Variants in BORA observed in about 807,000 individuals in gnomAD.
BORA encodes BORA aurora kinase A activator.
BORA carries 26 observed loss-of-function variants against 55.8 expected under a neutral mutation model. The ratio of observed to expected loss-of-function variants is 0.47; its 90% CI spans 0.34 to 0.65. BORA has a LOEUF of 0.65. Among genes scored for constraint, BORA ranks in the 30% least tolerant of loss-of-function variants. BORA has a pLI of 0.01. For missense variants in BORA, 568 were observed against 671.5 expected, an observed-to-expected ratio of 0.85 and a Z score of 1.70; for synonymous variants, 201 against 216.9, an observed-to-expected ratio of 0.93 and a Z score of 0.64.
chr13:72,736,663 T>C (rs768776031), intron 4 of BORA, among the ~76,000 whole-genome samples: 12 of 152,184 alleles, frequency 7.9e-5, no homozygotes, highest in Non-Finnish European at 1.5e-4. Context: ...GATTTGTATA[T>C]ATATCTTTAT....
intron 8 of BORA, among the ~76,000 whole-genome samples, chr13:72,745,474 A>G (rs915973764): frequency 2.0e-5 from 3 of 152,178 alleles, no homozygotes; most frequent in Non-Finnish European, 4.4e-5. Flanking sequence ...TCTTTTGAGT[A>G]TTATGCTTCA....
At position 72,755,284 on chromosome 13, in the gene BORA, A is replaced by G; in HGVS notation, c.*68A>G. 1 of 1,352,910 alleles carries G rather than the reference A, an allele frequency of 7.4e-7. No homozygotes were observed. Among genetic ancestry groups the G allele is most frequent in the Non-Finnish European group, 1.0e-6 (1 of 954,392 alleles). The allele number at this position is 1,352,910 out of a possible 1,614,324, so 83.8% of individuals were successfully genotyped here. On this transcript the variant is annotated 3_prime_UTR_variant, in exon 12 of 12. Transcript: ENST00000390667. Reference sequence around the variant, plus strand: ...GCATATATCGTTGTGCACAGGATCAACATGATGGTGACTGGGAAAAAATTA... The same window carrying G: ...GCATATATCGTTGTGCACAGGATCAGCATGATGGTGACTGGGAAAAAATTA...
At chr13:72,731,856 C>T (rs1020767857) in intron 3 of BORA, among the ~76,000 whole-genome samples, 3 of 152,124 alleles carry the variant, frequency 2.0e-5, no homozygotes, top group Admixed American at 1.3e-4. Flanking sequence ...AGCAACAGAG[C>T]GGTTTTTTAG....
In BORA at chr13:72,746,563, A is replaced by G. The variant is rs1213351033; in HGVS notation, c.934A>G (p.Thr312Ala). The G allele has an allele frequency of 2.5e-6, 4 of 1,613,918 alleles. No homozygotes were observed. The highest frequency in any genetic ancestry group is 3.4e-6 in the Non-Finnish European group (4 of 1,179,940). The change falls in exon 10 of 12, where the codon ACT (threonine) becomes GCT (alanine). Residue 312 changes from threonine (T) to alanine (A), a missense_variant. Physicochemically the swap from Thr to Ala is moderately conservative, Grantham distance 58. Transcript: ENST00000390667. ...ATCTGGAACAAATTCTAATGGGATA[A>G]CTAATCCGTGTATCAGAAGTCCTTA... ...ASSGTNSNGI[T>A]NPCIRSPYID...
intron 10 of BORA, among the ~76,000 whole-genome samples, chr13:72,750,781 T>C (rs575508277): frequency 1.5e-4 from 23 of 152,268 alleles, no homozygotes; most frequent in African/African-American, 5.5e-4. Flanking sequence ...ACAGATATAA[T>C]AGATATCGTC....
intron 5 of BORA, among the ~76,000 whole-genome samples, chr13:72,739,636 A>T (rs2032997244): frequency 6.6e-6 from 1 of 152,216 alleles, no homozygotes; most frequent in Non-Finnish European, 1.5e-5. Flanking sequence ...CTCTCTTAAA[A>T]GAATGGGATT....
chr13:72,737,689 T>G (rs1248161446), intron 4 of BORA, among the ~76,000 whole-genome samples: 1 of 152,132 alleles, frequency 6.6e-6, no homozygotes, highest in Non-Finnish European at 1.5e-5. Context: ...CAAAAAAACC[T>G]GGGAAAGAAA....
rs201154078 is a variant in BORA, at chr13:72,729,059, C to G, written c.119C>G (p.Ala40Gly). ...DYSNLHEQTL[A>G]SPSVFKSTKL... ...TCTAATCTCCATGAACAAACTCTCG[C>G]CAGTCCTTCTGTTTTTAAATCAACA... The change falls in exon 2 of 12, where the codon GCC (alanine) becomes GGC (glycine). Residue 40 changes from alanine (A) to glycine (G), a missense_variant. Ala to Gly is a moderately conservative substitution (Grantham distance 60). Transcript: ENST00000390667. The G allele has an allele frequency of 6.3e-7, 1 of 1,585,162 alleles. No homozygotes were observed. Among genetic ancestry groups the G allele is most frequent in the East Asian group, 2.3e-5 (1 of 43,712 alleles).
intron 2 of BORA, among the ~76,000 whole-genome samples, chr13:72,729,357 A>T (rs2032761464): frequency 6.6e-6 from 1 of 152,038 alleles, no homozygotes; most frequent in Admixed American, 6.6e-5. Context: ...TCTGTGGTTG[A>T]CGATATAGCT....
chr13:72,731,402 C>G lies in BORA; in HGVS notation c.260+15C>G. 6.6e-7 allele frequency: 1 copy of G among 1,522,986 alleles called. No homozygotes were observed. Among genetic ancestry groups the G allele is most frequent in the Non-Finnish European group, 9.1e-7 (1 of 1,100,060 alleles). The allele number at this position is 1,522,986 out of a possible 1,614,324, so 94.3% of individuals were successfully genotyped here. ...AGTCATTCTCGGTAAGTTTTCCTTT[C>G]TTGCACCTAAGTCTAATAACACTCT... On this transcript the variant is annotated intron_variant, in intron 3 of 11. Coordinates refer to ENST00000390667, the MANE Select transcript of BORA (RefSeq NM_024808.5).
At chr13:72,752,115 C>T (rs2033292674) in intron 10 of BORA, 1 of 152,134 alleles carries the variant, frequency 6.6e-6, no homozygotes, top group African/African-American at 2.4e-5. Flanking sequence ...ATAGAGACAC[C>T]ATTTAAAGGC....
rs910814690 is a variant in BORA, at chr13:72,755,968, G to C, written c.*752G>C. On this transcript the variant is annotated 3_prime_UTR_variant, in exon 12 of 12. Coordinates refer to ENST00000390667, the MANE Select transcript of BORA (RefSeq NM_024808.5). ...GAATGTGGGAGAACCAAGAGAAAAA[G>C]TGGGGCTGGGAGAGTGGAGTTCCCG... 4 of 398,500 alleles carry C rather than the reference G, an allele frequency of 1.0e-5. No homozygotes were observed. The highest frequency in any genetic ancestry group is 1.8e-5 in the Non-Finnish European group (4 of 226,082). The allele number at this position is 398,500 out of a possible 1,614,324, so 24.7% of individuals were successfully genotyped here.
intron 3 of BORA, among the ~76,000 whole-genome samples, chr13:72,733,666 T>C (rs907754318): frequency 6.6e-6 from 1 of 152,210 alleles, no homozygotes; most frequent in African/African-American, 2.4e-5. Context: ...AAGAGAACCA[T>C]TGATAAGATG....
intron 7 of BORA, 66 bp downstream of exon 7, chr13:72,744,627 G>A (rs2033104642): frequency 1.4e-5 from 17 of 1,239,702 alleles, no homozygotes; most frequent in Non-Finnish European, 2.0e-5. Context: ...CTGGCTTTTT[G>A]TAAATGGTAA....
rs2032979341 is a variant in BORA, at chr13:72,738,608, C to T, written c.388+565C>T. Among the ~76,000 whole-genome samples the T allele has an allele frequency of 2.0e-5, 3 of 152,118 alleles. No homozygotes were observed. The South Asian group carries it at 6.2e-4, about 32-fold the overall frequency. On this transcript the variant is annotated intron_variant, in intron 5 of 11. Coordinates refer to ENST00000390667, the MANE Select transcript of BORA (RefSeq NM_024808.5). Reference sequence around the variant, plus strand: ...TCTCACTGCTCTTTGGGTTGTGAGGCAGTATTCAGGAATCACTTGTATATA... The same window carrying T: ...TCTCACTGCTCTTTGGGTTGTGAGGTAGTATTCAGGAATCACTTGTATATA...
intron 2 of BORA, among the ~76,000 whole-genome samples, chr13:72,729,590 G>A (rs1465673003): frequency 6.6e-6 from 1 of 152,150 alleles, no homozygotes; most frequent in Non-Finnish European, 1.5e-5. Context: ...AGCTTTACAG[G>A]TCATTTGGTC....
chr13:72,735,533 T>C (rs889042816), intron 4 of BORA, among the ~76,000 whole-genome samples: 4 of 152,292 alleles, frequency 2.6e-5, no homozygotes, highest in Non-Finnish European at 5.9e-5. Flanking sequence ...TTCTAAAAAA[T>C]AAAAATAATT....
chr13:72,748,603 A>C (rs2033199012), intron 10 of BORA, among the ~76,000 whole-genome samples: 1 of 152,198 alleles, frequency 6.6e-6, no homozygotes, highest in Non-Finnish European at 1.5e-5. Flanking sequence ...ATTATACTAG[A>C]ATCACTTTTA....
intron 6 of BORA, among the ~76,000 whole-genome samples, chr13:72,744,150 G>T (rs560609586): frequency 6.6e-6 from 1 of 152,240 alleles, no homozygotes; most frequent in South Asian, 2.1e-4. Flanking sequence ...CTAGTGTTTT[G>T]TTTTCTTGTT....
Sources: gnomAD v4.1 joint callset for allele counts (sites outside exome capture counted in the v4.1 genomes callset) on GRCh38, gnomAD v4.1.1 for gene constraint, MANE v1.5 for transcripts, NCBI Gene and HGNC (gene_info 2026-07-23, HGNC 2026-07-21) for gene names.